Variants in LYPLAL1 observed in about 807,000 individuals in gnomAD.
LYPLAL1 encodes the protein lysophospholipase-like protein 1.
Under a neutral mutation model 19.7 loss-of-function variants are expected in LYPLAL1, and 23 were observed. That is an observed-to-expected ratio of 1.17 (90% CI 0.84 to 1.65). The LOEUF is 1.65. LYPLAL1 is among the 40% of genes most tolerant of loss of function. The pLI is 0.00. For missense variants in LYPLAL1, 355 were observed against 279.4 expected (o/e 1.27, Z -1.93); for synonymous variants, 119 against 96.3 (o/e 1.24, Z -1.38).
intron 2 of LYPLAL1, among the ~76,000 whole-genome samples, chr1:219,192,129 A>G (rs1657233965): frequency 6.6e-6 from 1 of 151,684 alleles, no homozygotes; most frequent in Non-Finnish European, 1.5e-5. Flanking sequence ...CCCAAGGCCA[A>G]TGACAATTGA....
the LYPLAL1 span, among the ~76,000 whole-genome samples, chr1:219,349,092 C>A: frequency 4.6e-5 from 7 of 152,150 alleles, no homozygotes; most frequent in African/African-American, 1.7e-4. Flanking sequence ...ACGTAACTTG[C>A]TCAACACTGT....
chr1:219,336,924 C>A, the LYPLAL1 span, among the ~76,000 whole-genome samples: 1 of 151,962 alleles, frequency 6.6e-6, no homozygotes, highest in Non-Finnish European at 1.5e-5. Flanking sequence ...CTTATGACAT[C>A]ACAAGAAATG....
At chr1:219,238,131 T>TC in the LYPLAL1 span, among the ~76,000 whole-genome samples, 2 of 144,088 alleles carry the variant, frequency 1.4e-5, no homozygotes, top group Non-Finnish European at 3.0e-5. Context: ...ACTTTTTTTT[T>TC]TTTTTTTTTT....
intron 2 of LYPLAL1, among the ~76,000 whole-genome samples, chr1:219,184,030 G>A (rs568724637): frequency 6.6e-6 from 1 of 151,888 alleles, no homozygotes; most frequent in African/African-American, 2.4e-5. Flanking sequence ...TGTAAGTTTT[G>A]CTCATTCTAT....
chr1:219,176,666 C>T (rs1452022637), intron 1 of LYPLAL1, among the ~76,000 whole-genome samples: 3 of 152,180 alleles, frequency 2.0e-5, no homozygotes, highest in African/African-American at 7.2e-5. Flanking sequence ...GGTCTTTTCA[C>T]TCTACATTTT....
the LYPLAL1 span, among the ~76,000 whole-genome samples, chr1:219,265,727 A>C: frequency 1.3e-5 from 2 of 152,166 alleles, no homozygotes; most frequent in African/African-American, 4.8e-5. Flanking sequence ...CCTAGGTGGT[A>C]CAGCCTGCTA....
chr1:219,276,299 A>C, the LYPLAL1 span, among the ~76,000 whole-genome samples: 4 of 152,178 alleles, frequency 2.6e-5, no homozygotes, highest in Non-Finnish European at 4.4e-5. Context: ...ATAGCTTCAC[A>C]TCTGGTAAAT....
At chr1:219,387,734 G>A in the LYPLAL1 span, among the ~76,000 whole-genome samples, 1 of 152,134 alleles carries the variant, frequency 6.6e-6, no homozygotes, top group Non-Finnish European at 1.5e-5. Context: ...TGATGGTGGG[G>A]AATATGTCTG....
chr1:219,432,489 G>T, the LYPLAL1 span, among the ~76,000 whole-genome samples: 1 of 152,120 alleles, frequency 6.6e-6, no homozygotes, highest in African/African-American at 2.4e-5. Flanking sequence ...GACTCAAAAG[G>T]TAACAGTGAA....
At chr1:219,215,239 A>G (rs1039679633), downstream of LYPLAL1, among the ~76,000 whole-genome samples, 1 of 152,144 alleles carries the variant, frequency 6.6e-6, no homozygotes, top group African/African-American at 2.4e-5. Context: ...CTGAGTGTAG[A>G]ATTCCAGATA....
At chr1:219,234,363 G>A in the LYPLAL1 span, among the ~76,000 whole-genome samples, 1 of 151,942 alleles carries the variant, frequency 6.6e-6, no homozygotes, top group East Asian at 1.9e-4. Flanking sequence ...ATAAGCTATT[G>A]AATCAAATTA....
the LYPLAL1 span, among the ~76,000 whole-genome samples, chr1:219,352,341 AC>A: frequency 9.9e-5 from 15 of 151,788 alleles, no homozygotes; most frequent in African/African-American, 2.7e-4. Flanking sequence ...CCACGGTGAA[AC>A]CCCGTCTCTA....
At chr1:219,319,093 A>G in the LYPLAL1 span, among the ~76,000 whole-genome samples, 2 of 152,220 alleles carry the variant, frequency 1.3e-5, no homozygotes, top group African/African-American at 4.8e-5. Flanking sequence ...GATGCAATGC[A>G]TAAACTAAAC....
At chr1:219,334,961 G>C in the LYPLAL1 span, among the ~76,000 whole-genome samples, 1 of 151,806 alleles carries the variant, frequency 6.6e-6, no homozygotes, top group Admixed American at 6.6e-5. Flanking sequence ...TACCATGCTT[G>C]TTTGTGCTCC....
the LYPLAL1 span, among the ~76,000 whole-genome samples, chr1:219,264,144 T>C: frequency 1.1e-4 from 17 of 152,350 alleles, no homozygotes; most frequent in Admixed American, 1.1e-3. Context: ...AAAGTCTTTC[T>C]AGAGTAATCC....
In LYPLAL1 at chr1:219,200,394, C is replaced by G. The variant is rs1470034268; in HGVS notation, c.361+7143C>G. On this transcript the variant is annotated intron_variant, in intron 3 of 4. Coordinates refer to ENST00000366928, the MANE Select transcript of LYPLAL1 (RefSeq NM_138794.5). ...GCCAACCAACTCTTGAAATGCCCAC[C>G]ACTTATTAGCACATTTCAGGATGGT... The G allele has an allele frequency of 1.6e-5, 3 of 192,308 alleles. No individual in the cohort carries two copies. In the East Asian group the frequency reaches 3.6e-4, roughly 23 times the overall value. 11.9% of individuals were successfully genotyped at this position (192,308 alleles called of 1,614,324 possible).
At chr1:219,183,184 T>TA (rs1362780818) in intron 2 of LYPLAL1, among the ~76,000 whole-genome samples, 7 of 152,132 alleles carry the variant, frequency 4.6e-5, no homozygotes, top group African/African-American at 1.7e-4. Context: ...TCTTTAATAC[T>TA]AATGATGTTG....
the LYPLAL1 span, among the ~76,000 whole-genome samples, chr1:219,256,441 TTTTC>T: frequency 3.3e-5 from 5 of 150,894 alleles, no homozygotes; most frequent in African/African-American, 4.9e-5. Flanking sequence ...TCTCTCTTTC[TTTTC>T]TTTCTCCCTT....
chr1:219,301,528 T>G, the LYPLAL1 span, among the ~76,000 whole-genome samples: 1 of 152,212 alleles, frequency 6.6e-6, no homozygotes, highest in African/African-American at 2.4e-5. Context: ...AAAATATTTT[T>G]CAATAAACCA....
Sources: allele counts gnomAD v4.1 joint callset (sites outside exome capture counted in the v4.1 genomes callset), GRCh38; gene constraint gnomAD v4.1.1; transcripts MANE v1.5; gene names NCBI Gene and HGNC (gene_info 2026-07-23, HGNC 2026-07-21).